RBFOX1: variants seen among roughly 807,000 people sequenced by gnomAD.
RBFOX1 encodes the protein RNA binding protein fox-1 homolog 1.
RBFOX1 carries 8 observed loss-of-function variants against 57.7 expected under a neutral mutation model. That is an observed-to-expected ratio of 0.14 (90% CI 0.08 to 0.25). The LOEUF (loss-of-function observed/expected upper bound fraction) is 0.25, where lower values mean the gene tolerates loss of function less well. Ranked by LOEUF, RBFOX1 falls within the 10% of genes least tolerant of loss-of-function variation. RBFOX1 has a pLI of 1.00. For missense variants in RBFOX1, 611 were observed against 548.5 expected (o/e 1.11, Z -1.14); for synonymous variants, 326 against 222.4 (o/e 1.47, Z -4.15).
intron 1 of RBFOX1, among the ~76,000 whole-genome samples, chr16:6,188,525 A>G (rs2097122015): frequency 6.6e-6 from 1 of 152,098 alleles, no homozygotes; most frequent in Admixed American, 6.6e-5. Flanking sequence ...AAAGAGGTGT[A>G]TGAAACCAGA....
chr16:7,428,297 T>A (rs1465197809), intron 4 of RBFOX1, among the ~76,000 whole-genome samples: 2 of 151,426 alleles, frequency 1.3e-5, no homozygotes, highest in Non-Finnish European at 2.9e-5. Context: ...TTGTATGAGA[T>A]ATATTTGACC....
At chr16:7,614,434 C>T (rs1377176092) in intron 10 of RBFOX1, 1 of 146,888 alleles carries the variant, frequency 6.8e-6, no homozygotes, top group Non-Finnish European at 1.5e-5. Context: ...CTAGATCCCA[C>T]AGAGGGAATG....
At chr16:7,454,637 C>G (rs1055774276) in intron 4 of RBFOX1, among the ~76,000 whole-genome samples, 3 of 152,202 alleles carry the variant, frequency 2.0e-5, no homozygotes, top group Non-Finnish European at 2.9e-5. Flanking sequence ...GGAGACAAGA[C>G]TCTATCTACA....
intron 14 of RBFOX1, among the ~76,000 whole-genome samples, chr16:7,706,467 T>C (rs2082476287): frequency 6.6e-6 from 1 of 152,236 alleles, no homozygotes; most frequent in East Asian, 1.9e-4. Flanking sequence ...CACTGAAGTA[T>C]GCAGTAGGAA....
rs750475455 is a variant in RBFOX1 at position 6,916,597 on chromosome 16, C to A, written c.-15-135460C>A. ...CATCGTGACCTACACACTTGTAAGG[C>A]CTTCCATCTTGCAACGCTATTGGCC... On this transcript the variant is annotated intron_variant, in intron 3 of 15. Coordinates refer to ENST00000550418, the MANE Select transcript of RBFOX1 (RefSeq NM_018723.4). 5.3e-5 allele frequency among the ~76,000 whole-genome samples: 8 copies of A among 152,022 alleles called. No homozygotes were observed. In the South Asian group the frequency reaches 6.2e-4, roughly 12 times the overall value.
intron 4 of RBFOX1, among the ~76,000 whole-genome samples, chr16:7,268,705 C>T (rs868833111): frequency 6.6e-6 from 1 of 152,048 alleles, no homozygotes; most frequent in Non-Finnish European, 1.5e-5. Context: ...ACTAGAGCCT[C>T]CTTGGGACTA....
intron 4 of RBFOX1, among the ~76,000 whole-genome samples, chr16:7,417,215 C>A (rs1597915217): frequency 1.3e-5 from 2 of 151,736 alleles, no homozygotes. Flanking sequence ...ACTAAAAATA[C>A]AAAAAATACT....
At chr16:6,921,269 G>A (rs796811439) in intron 3 of RBFOX1, among the ~76,000 whole-genome samples, 1 of 152,118 alleles carries the variant, frequency 6.6e-6, no homozygotes, top group African/African-American at 2.4e-5. Context: ...AATGTCTATG[G>A]GTTAAAATTT....
chr16:7,612,899 G>C (rs1041213640), intron 10 of RBFOX1, among the ~76,000 whole-genome samples: 1 of 152,118 alleles, frequency 6.6e-6, no homozygotes. Context: ...CTATAAGGCA[G>C]CAAAGCTTAA....
chr16:6,961,665 C>A (rs181639291), intron 3 of RBFOX1, among the ~76,000 whole-genome samples: 12 of 152,176 alleles, frequency 7.9e-5, no homozygotes, highest in Non-Finnish European at 5.9e-5. Context: ...TATGAGTTTT[C>A]TGGGAAAGGG....
At chr16:5,965,022 T>G (rs549993275) in intron 4 of RBFOX1, among the ~76,000 whole-genome samples, 89 of 152,282 alleles carry the variant, frequency 5.8e-4, no homozygotes, top group Non-Finnish European at 9.3e-4. Flanking sequence ...CTAGGTGAAG[T>G]AAGCCAGATA....
At chr16:5,864,992 A>G (rs2057313804) in intron 3 of RBFOX1, among the ~76,000 whole-genome samples, 1 of 152,150 alleles carries the variant, frequency 6.6e-6, no homozygotes, top group African/African-American at 2.4e-5. Flanking sequence ...TTATGTTTGT[A>G]TTTCCCTATG....
At chr16:5,609,815 T>C (rs1317322860) in intron 3 of RBFOX1, among the ~76,000 whole-genome samples, 1 of 151,644 alleles carries the variant, frequency 6.6e-6, no homozygotes, top group African/African-American at 2.4e-5. Context: ...CAGAGCACTG[T>C]TCTAGGAGCT....
chr16:6,316,420 C>G (rs971819625), intron 1 of RBFOX1, among the ~76,000 whole-genome samples: 4 of 152,156 alleles, frequency 2.6e-5, no homozygotes, highest in African/African-American at 7.2e-5. Context: ...TATCATAATT[C>G]TACTCATTGC....
At chr16:6,129,843 T>C (rs969298073) in intron 1 of RBFOX1, among the ~76,000 whole-genome samples, 6 of 151,128 alleles carry the variant, frequency 4.0e-5, no homozygotes, top group African/African-American at 7.3e-5. Context: ...TGATTTCTCA[T>C]AGAAACTGTG....
intron 3 of RBFOX1, among the ~76,000 whole-genome samples, chr16:6,857,286 A>C (rs529185452): frequency 9.1e-4 from 138 of 152,310 alleles, no homozygotes; most frequent in Non-Finnish European, 1.7e-3. Flanking sequence ...TATTAGGAAG[A>C]ATCCCAAAGA....
chr16:5,579,307 C>T (rs1162168777), intron 2 of RBFOX1, among the ~76,000 whole-genome samples: 3 of 152,110 alleles, frequency 2.0e-5, no homozygotes, highest in East Asian at 3.9e-4. Flanking sequence ...CCGTCACTCC[C>T]CACCCACCTT....
intron 1 of RBFOX1, among the ~76,000 whole-genome samples, chr16:5,273,666 A>C (rs2063071177): frequency 6.6e-6 from 1 of 152,140 alleles, no homozygotes; most frequent in African/African-American, 2.4e-5. Context: ...GTGAGTTCGC[A>C]TGCATAGTGA....
rs566367049 is a variant in RBFOX1 at position 7,451,839 on chromosome 16, A to T, written c.28-66308A>T. Among the ~76,000 whole-genome samples, 123 of 152,120 alleles carry T rather than the reference A, an allele frequency of 8.1e-4. 1 individual carries two copies. The highest frequency in any genetic ancestry group is 1.5e-3 in the Non-Finnish European group (103 of 67,994). On this transcript the variant is annotated intron_variant, in intron 4 of 15. Transcript: ENST00000550418. ...TTCTCACCTCCCAGTTCCCTAATCT[A>T]ATTTATCTCAGTGGGGTTTGTGGGG...
Sources: allele counts gnomAD v4.1 joint callset (sites outside exome capture counted in the v4.1 genomes callset), GRCh38; gene constraint gnomAD v4.1.1; transcripts MANE v1.5; gene names NCBI Gene and HGNC (gene_info 2026-07-23, HGNC 2026-07-21).